RBFOX1: variants seen among roughly 807,000 people sequenced by gnomAD.
The protein encoded by RBFOX1 is RNA binding protein fox-1 homolog 1.
In RBFOX1, 8 loss-of-function variants were observed where a neutral mutation model predicts 57.7. The observed-to-expected ratio is 0.14, with a 90% CI of 0.08 to 0.25. RBFOX1 has a LOEUF of 0.25. Ranked by LOEUF, RBFOX1 falls within the 10% of genes least tolerant of loss-of-function variation. The probability of loss-of-function intolerance (pLI) is 1.00; values close to 1 mark genes in which losing one functional copy is unlikely to be tolerated. For synonymous variants in RBFOX1, 326 were observed against 222.4 expected, an observed-to-expected ratio of 1.47 and a Z score of -4.15; for missense variants, 611 against 548.5, an observed-to-expected ratio of 1.11 and a Z score of -1.14.
chr16:6,510,930 A>G (rs1200675522), intron 2 of RBFOX1, among the ~76,000 whole-genome samples: 2 of 152,114 alleles, frequency 1.3e-5, no homozygotes, highest in African/African-American at 4.8e-5. Context: ...TAAGCATGAA[A>G]GACAAGGAGT....
chr16:6,506,293 C>T lies in RBFOX1; in HGVS notation c.-63-148310C>T, dbSNP rs191082618. Among the ~76,000 whole-genome samples, 242 of 152,118 alleles carry T rather than the reference C, an allele frequency of 1.6e-3. 2 individuals carry two copies. The highest frequency in any genetic ancestry group is 0.014 in the Middle Eastern group (4 of 294). ...AGAATAGAGTGGGGAAATGTAGTGA[C>T]AGCAGCCAGCAGGGAGTATGGGGAG... On this transcript the variant is annotated intron_variant, in intron 2 of 15. Coordinates refer to ENST00000550418, the MANE Select transcript of RBFOX1 (RefSeq NM_018723.4).
chr16:6,601,636 C>G (rs1195260133), intron 2 of RBFOX1, among the ~76,000 whole-genome samples: 1 of 152,100 alleles, frequency 6.6e-6, no homozygotes, highest in Non-Finnish European at 1.5e-5. Context: ...GACTAGCTCG[C>G]TCAGGAACTC....
chr16:7,168,661 C>A (rs111261461), intron 4 of RBFOX1, among the ~76,000 whole-genome samples: 1,779 of 152,230 alleles, frequency 0.012, 20 homozygotes, highest in Middle Eastern at 0.031. Context: ...AAGCCTCCAC[C>A]ACTTCTAGCC....
At chr16:7,626,818 T>C (rs2060143506) in intron 10 of RBFOX1, among the ~76,000 whole-genome samples, 1 of 152,174 alleles carries the variant, frequency 6.6e-6, no homozygotes, top group Non-Finnish European at 1.5e-5. Flanking sequence ...TGGAGACTTG[T>C]TTTTAAAAAT....
At chr16:6,865,963 A>G (rs2059840281) in intron 3 of RBFOX1, among the ~76,000 whole-genome samples, 2 of 152,194 alleles carry the variant, frequency 1.3e-5, no homozygotes, top group African/African-American at 4.8e-5. Flanking sequence ...TCTAAATCAC[A>G]TAAGAAATGC....
intron 4 of RBFOX1, among the ~76,000 whole-genome samples, chr16:7,401,856 G>C (rs1422410912): frequency 6.6e-6 from 1 of 152,098 alleles, no homozygotes; most frequent in East Asian, 1.9e-4. Context: ...TTGCATAAAG[G>C]AAACTTGATT....
At chr16:6,810,633 A>G (rs1164811458) in intron 3 of RBFOX1, among the ~76,000 whole-genome samples, 6 of 152,116 alleles carry the variant, frequency 3.9e-5, no homozygotes, top group Non-Finnish European at 8.8e-5. Context: ...GGTATTTTAT[A>G]AAGGAAAGAG....
At chr16:7,213,121 T>C (rs2091446928) in intron 4 of RBFOX1, among the ~76,000 whole-genome samples, 1 of 152,100 alleles carries the variant, frequency 6.6e-6, no homozygotes, top group African/African-American at 2.4e-5. Flanking sequence ...TGGAGGGACA[T>C]AGGTTATCCA....
intron 2 of RBFOX1, among the ~76,000 whole-genome samples, chr16:5,586,238 A>G (rs1460657120): frequency 6.6e-6 from 1 of 152,178 alleles, no homozygotes; most frequent in African/African-American, 2.4e-5. Context: ...TTCAGACTTC[A>G]GGCCTTCAGA....
intron 3 of RBFOX1, among the ~76,000 whole-genome samples, chr16:6,887,555 A>T (rs796469245): frequency 4.2e-5 from 6 of 144,112 alleles, no homozygotes; most frequent in African/African-American, 1.5e-4. Flanking sequence ...ACAAAAACAC[A>T]TATACTTTTT....
intron 1 of RBFOX1, among the ~76,000 whole-genome samples, chr16:5,312,822 A>G (rs1430485563): frequency 6.6e-6 from 1 of 152,208 alleles, no homozygotes; most frequent in East Asian, 1.9e-4. Context: ...CCTTGGACAG[A>G]GACAACCAAA....
intron 3 of RBFOX1, among the ~76,000 whole-genome samples, chr16:5,621,675 C>G (rs192396113): frequency 6.6e-6 from 1 of 152,110 alleles, no homozygotes; most frequent in Non-Finnish European, 1.5e-5. Flanking sequence ...TTTAGGAAGA[C>G]GAGGATATGG....
At chr16:5,710,237 C>T (rs1193445878) in intron 3 of RBFOX1, among the ~76,000 whole-genome samples, 3 of 152,236 alleles carry the variant, frequency 2.0e-5, no homozygotes, top group South Asian at 2.1e-4. Flanking sequence ...GAAACTGAAG[C>T]AGCTAATTGT....
intron 2 of RBFOX1, among the ~76,000 whole-genome samples, chr16:6,384,935 C>G (rs1239448151): frequency 6.6e-6 from 1 of 152,138 alleles, no homozygotes; most frequent in African/African-American, 2.4e-5. Context: ...GAAACTTACA[C>G]CCAGAAACTG....
At chr16:7,642,931 C>T (rs537105336) in intron 11 of RBFOX1, among the ~76,000 whole-genome samples, 12 of 152,226 alleles carry the variant, frequency 7.9e-5, no homozygotes, top group South Asian at 6.2e-4. Flanking sequence ...AAATCCTGCC[C>T]GGCGGGGGAA....
chr16:5,484,445 G>C (rs2069655193), intron 2 of RBFOX1, among the ~76,000 whole-genome samples: 1 of 152,202 alleles, frequency 6.6e-6, no homozygotes, highest in Non-Finnish European at 1.5e-5. Context: ...ACCTAATCTT[G>C]GAAGTGACAC....
At chr16:5,727,452 G>A (rs1033712977) in intron 3 of RBFOX1, among the ~76,000 whole-genome samples, 1 of 152,136 alleles carries the variant, frequency 6.6e-6, no homozygotes, top group African/African-American at 2.4e-5. Flanking sequence ...CACAATTGAA[G>A]TAACATACCC....
At chr16:6,151,988 T>C (rs2096800995) in intron 1 of RBFOX1, among the ~76,000 whole-genome samples, 1 of 152,228 alleles carries the variant, frequency 6.6e-6, no homozygotes, top group Non-Finnish European at 1.5e-5. Context: ...ACTCTTGCAA[T>C]GTGAATAGCC....
At position 6,472,089 on chromosome 16, in the gene RBFOX1, T is replaced by C. The variant is rs557212246; in HGVS notation, c.-64+155032T>C. On this transcript the variant is annotated intron_variant, in intron 2 of 15. Transcript: ENST00000550418. ...GTTTCGCTGACTAGTCATCAGACTC[T>C]ACCGACAAATTTACCTGATCTTCCC... is the stretch of plus-strand genomic sequence containing the variant. Among the ~76,000 whole-genome samples, 3 of 152,322 alleles carry C rather than the reference T, an allele frequency of 2.0e-5. No homozygotes were observed. In the East Asian group the frequency reaches 5.8e-4, roughly 29 times the overall value.
Sources: gnomAD v4.1 joint callset for allele counts (sites outside exome capture counted in the v4.1 genomes callset) on GRCh38, gnomAD v4.1.1 for gene constraint, MANE v1.5 for transcripts, NCBI Gene and HGNC (gene_info 2026-07-23, HGNC 2026-07-21) for gene names.